BDKRB2: variants seen among roughly 807,000 people sequenced by gnomAD.
BDKRB2 encodes the protein B2 bradykinin receptor.
A neutral mutation model predicts 4.0 loss-of-function variants in BDKRB2; 6 were observed. The ratio of observed to expected loss-of-function variants is 1.49; its 90% confidence interval spans 0.81 to 2.93. The LOEUF (loss-of-function observed/expected upper bound fraction) is 2.93, where lower values mean the gene tolerates loss of function less well. Among genes scored for constraint, BDKRB2 ranks in the 30% most tolerant of loss-of-function variants. The pLI is 0.00. For synonymous variants in BDKRB2, 225 were observed against 215.3 expected (o/e 1.05, Z -0.40); for missense variants, 478 against 520.1 (o/e 0.92, Z 0.79).
chr14:96,213,127 T>C (rs1395557231), intron 1 of BDKRB2, among the ~76,000 whole-genome samples: 1 of 152,196 alleles, frequency 6.6e-6, no homozygotes, highest in Non-Finnish European at 1.5e-5. Flanking sequence ...AACCTCTCCT[T>C]TCTCACCTGT....
intron 1 of BDKRB2, among the ~76,000 whole-genome samples, chr14:96,216,248 C>G (rs748450392): frequency 1.7e-4 from 26 of 152,076 alleles, no homozygotes; most frequent in Non-Finnish European, 3.4e-4. Flanking sequence ...TTGCAAGACC[C>G]CTCCTACCAA....
At chr14:96,235,893 G>T (rs1424054424) in intron 1 of BDKRB2, among the ~76,000 whole-genome samples, 1 of 152,160 alleles carries the variant, frequency 6.6e-6, no homozygotes, top group African/African-American at 2.4e-5. Context: ...CTAGACAGGG[G>T]TCACTTGGTG....
chr14:96,239,136 A>G, intron 2 of BDKRB2: 3 of 985,502 alleles, frequency 3.0e-6, no homozygotes, highest in Non-Finnish European at 3.6e-6. Context: ...CCTTCCAGAA[A>G]GAGCCCCTTT....
At chr14:96,212,760 C>A (rs1250064304) in intron 1 of BDKRB2, among the ~76,000 whole-genome samples, 1 of 152,200 alleles carries the variant, frequency 6.6e-6, no homozygotes, top group Non-Finnish European at 1.5e-5. Flanking sequence ...CCAGAAAGGT[C>A]TCCTTTCTAC....
intron 1 of BDKRB2, among the ~76,000 whole-genome samples, chr14:96,236,378 C>G (rs2139795424): frequency 6.6e-6 from 1 of 152,288 alleles, no homozygotes; most frequent in South Asian, 2.1e-4. Flanking sequence ...TTTAACAGTT[C>G]CAGCCTTTAA....
chr14:96,215,008 C>G (rs4905463), intron 1 of BDKRB2, among the ~76,000 whole-genome samples: 44,558 of 151,940 alleles, frequency 0.29, 6,650 homozygotes, highest in South Asian at 0.44. Context: ...ATCTTTTTTA[C>G]GTAAATAAAC....
chr14:96,225,102 T>C (rs1377761185), intron 1 of BDKRB2, among the ~76,000 whole-genome samples: 1 of 152,202 alleles, frequency 6.6e-6, no homozygotes, highest in Non-Finnish European at 1.5e-5. Context: ...GCTGAACCTC[T>C]GCAGACTCAG....
chr14:96,216,962 T>C (rs1469986304), intron 1 of BDKRB2, among the ~76,000 whole-genome samples: 1 of 152,118 alleles, frequency 6.6e-6, no homozygotes, highest in African/African-American at 2.4e-5. Flanking sequence ...TGGCATTGAG[T>C]GGGGTAGCTA....
chr14:96,207,073 T>C (rs1890200373), intron 1 of BDKRB2, among the ~76,000 whole-genome samples: 1 of 152,078 alleles, frequency 6.6e-6, no homozygotes, highest in African/African-American at 2.4e-5. Context: ...CCTTTTAATA[T>C]CACCAGCTTG....
intron 1 of BDKRB2, among the ~76,000 whole-genome samples, chr14:96,234,564 C>T (rs188877172): frequency 6.6e-6 from 1 of 152,232 alleles, no homozygotes; most frequent in African/African-American, 2.4e-5. Context: ...TGACAGGGAT[C>T]CTCACCCAGG....
At chr14:96,230,048 G>C (rs1890782885) in intron 1 of BDKRB2, among the ~76,000 whole-genome samples, 1 of 151,786 alleles carries the variant, frequency 6.6e-6, no homozygotes, top group Non-Finnish European at 1.5e-5. Flanking sequence ...GCAGGAGAAT[G>C]GCGTGAACCC....
chr14:96,218,062 AT>A (rs1311492625), intron 1 of BDKRB2, among the ~76,000 whole-genome samples: 1 of 152,034 alleles, frequency 6.6e-6, no homozygotes, highest in African/African-American at 2.4e-5. Context: ...CTCCAGGACA[AT>A]CGTGAGGCTC....
intron 1 of BDKRB2, among the ~76,000 whole-genome samples, chr14:96,219,965 A>C (rs61982610): frequency 0.072 from 10,916 of 152,060 alleles, 495 homozygotes; most frequent in Middle Eastern, 0.099. Flanking sequence ...CCAAGCCTAG[A>C]GCCAATTGCA....
At chr14:96,223,303 A>G in intron 1 of BDKRB2, 3 of 1,064,336 alleles carry the variant, frequency 2.8e-6, no homozygotes, top group Admixed American at 1.7e-5. Flanking sequence ...AGAACCTCAC[A>G]TCTTGCTGTT....
intron 1 of BDKRB2, among the ~76,000 whole-genome samples, chr14:96,208,769 G>T (rs1488957826): frequency 6.6e-6 from 1 of 152,148 alleles, no homozygotes; most frequent in East Asian, 1.9e-4. Flanking sequence ...TCCTTCTCAC[G>T]CTTCTCTTCA....
chr14:96,240,983 A>T lies in BDKRB2; in HGVS notation c.655A>T (p.Ile219Phe). Residue 219 changes from isoleucine to phenylalanine, a missense_variant, in exon 3 of 3, where the codon ATC (isoleucine) becomes TTC (phenylalanine). By Grantham distance (21) the Ile-to-Phe change is conservative. Coordinates refer to ENST00000554311, the MANE Select transcript of BDKRB2 (RefSeq NM_001379692.1). Reference sequence around the variant, plus strand: ...TTGTGTCATCAGCTACCCATCCCTCATCTGGGAAGTGTTCACCAACATGCT... The same window carrying T: ...TTGTGTCATCAGCTACCCATCCCTCTTCTGGGAAGTGTTCACCAACATGCT... The part of the protein sequence containing the change: ...TACVISYPSL[I>F]WEVFTNMLLN... 1 of 1,596,804 alleles carries T rather than the reference A, an allele frequency of 6.3e-7. No homozygotes were observed.
chr14:96,218,420 T>C (rs1200050430), intron 1 of BDKRB2, among the ~76,000 whole-genome samples: 1 of 152,092 alleles, frequency 6.6e-6, no homozygotes, highest in African/African-American at 2.4e-5. Context: ...TAGCCAAGGC[T>C]CTTCACCTAA....
chr14:96,236,843 C>T lies in BDKRB2; in HGVS notation c.-39-226C>T, dbSNP rs2069576. Among the ~76,000 whole-genome samples the T allele has an allele frequency of 9.7e-3, 1,472 of 152,296 alleles. 13 individuals are homozygous for T. Among genetic ancestry groups the T allele is most frequent in the Admixed American group, 0.029 (437 of 15,294 alleles). On this transcript the variant is annotated intron_variant, in intron 1 of 2. Coordinates refer to ENST00000554311, the MANE Select transcript of BDKRB2 (RefSeq NM_001379692.1). ...ACCTTTTGCTTGATTTTTCACTGTA[C>T]TCAGGTCAGTTTGCAGTTATTAAGT...
chr14:96,235,699 G>C (rs1395590957), intron 1 of BDKRB2, among the ~76,000 whole-genome samples: 1 of 152,170 alleles, frequency 6.6e-6, no homozygotes, highest in African/African-American at 2.4e-5. Flanking sequence ...AACTGAATTA[G>C]GGGAGCTGGG....
Sources: gnomAD v4.1 joint callset for allele counts (sites outside exome capture counted in the v4.1 genomes callset) on GRCh38, gnomAD v4.1.1 for gene constraint, MANE v1.5 for transcripts, NCBI Gene and HGNC (gene_info 2026-07-23, HGNC 2026-07-21) for gene names.